The following MNDA variants were observed in gnomAD, a reference collection of about 807,000 sequenced individuals.
The protein encoded by MNDA is epididymis secretory sperm binding protein.
A neutral mutation model predicts 37.8 loss-of-function variants in MNDA; 43 were observed. That is an observed-to-expected ratio of 1.14 (90% CI 0.89 to 1.47). The LOEUF (loss-of-function observed/expected upper bound fraction) is 1.47. Among genes scored for constraint, MNDA ranks in the 40% most tolerant of loss-of-function variants. The pLI, the probability that MNDA is intolerant of heterozygous loss-of-function variation, is 0.00. For synonymous variants in MNDA, 181 were observed against 169.0 expected (o/e 1.07, Z -0.55); for missense variants, 536 against 476.0 (o/e 1.13, Z -1.17).
In MNDA at chr1:158,844,019, G is replaced by GT; in HGVS notation, c.468dup (p.Lys157Ter). On this transcript the variant is annotated frameshift_variant, in exon 4 of 7. Coordinates refer to ENST00000368141, the MANE Select transcript of MNDA (RefSeq NM_002432.3). LOFTEE classifies it high-confidence loss of function. The stretch of plus-strand genomic sequence containing the variant: ...AGGAATAAGGTGTCCCAAGAGCAGA[G>GT]TAAGCCCCCAGGTCCCTCAGGAGCC... 1 of 1,613,818 alleles carries GT rather than the reference G, an allele frequency of 6.2e-7. No individual in the cohort carries two copies. The highest frequency in any genetic ancestry group is 1.1e-5 in the South Asian group (1 of 91,048).
In MNDA at chr1:158,845,608, C is replaced by T. The variant is rs758635073; in HGVS notation, c.592C>T (p.Arg198Trp). 1.3e-5 allele frequency: 21 copies of T among 1,612,346 alleles called. No homozygotes were observed. Among genetic ancestry groups the T allele is most frequent in the Admixed American group, 6.7e-5 (4 of 59,800 alleles). ...ACAGAATCAGGAAACCCAGGCCCAACGGCAGGTGGATGCAAGAAGAAATGT... is the reference window on the plus strand; with the variant it reads ...ACAGAATCAGGAAACCCAGGCCCAATGGCAGGTGGATGCAAGAAGAAATGT... ...FTPNQETQAQRQVDARRNVPQ... is the reference protein window; with the variant it reads ...FTPNQETQAQWQVDARRNVPQ... The change falls in exon 5 of 7, where the codon CGG becomes TGG. Residue 198 changes from arginine (R) to tryptophan (W), a missense_variant. Physicochemically the swap from Arg to Trp is moderately radical, Grantham distance 101. Transcript: ENST00000368141.
At chr1:158,848,824 G>A (rs1256998223) in intron 6 of MNDA, among the ~76,000 whole-genome samples, 1 of 152,038 alleles carries the variant, frequency 6.6e-6, no homozygotes, top group Non-Finnish European at 1.5e-5. Flanking sequence ...TATATGCACT[G>A]CTTGCTAAAC....
rs1308905390 is a variant in MNDA at position 158,847,736 on chromosome 1, A to G, written c.996A>G (p.Val332=). ...TTAATCTTCTTTTGCAGAAAAGCGT[A>G]CACAAGAAGAACACAATTTATGAAA... The part of the protein sequence containing the change: ...YGLFMLQKKS[V]HKKNTIYEIQ... The change falls in exon 6 of 7, where the codon GTA becomes GTG. Residue 332 remains valine (V), a synonymous_variant. Coordinates refer to ENST00000368141, the MANE Select transcript of MNDA (RefSeq NM_002432.3). 1 of 1,611,806 alleles carries G rather than the reference A, an allele frequency of 6.2e-7. No homozygotes were observed. The highest frequency in any genetic ancestry group is 8.5e-7 in the Non-Finnish European group (1 of 1,178,764).
At position 158,842,389 on chromosome 1, in the gene MNDA, T is replaced by C. The variant is rs775626811; in HGVS notation, c.236T>C (p.Val79Ala). ...GATATGCCATCACTTAAAAACCTTG[T>C]TAACAATCTTCGAAAAGAGAAGTCA... Reference protein sequence around the residue: ...AKDMPSLKNLVNNLRKEKSKV... With the variant: ...AKDMPSLKNLANNLRKEKSKV... The change falls in exon 2 of 7, where the codon GTT becomes GCT. Residue 79 changes from valine (V) to alanine (A), a missense_variant. Coordinates refer to ENST00000368141, the MANE Select transcript of MNDA (RefSeq NM_002432.3). The C allele has an allele frequency of 2.5e-6, 4 of 1,611,826 alleles. No homozygotes were observed. Among genetic ancestry groups the C allele is most frequent in the South Asian group, 1.1e-5 (1 of 90,870 alleles).
chr1:158,840,053 AT>A (rs975761620), intron 1 of MNDA, among the ~76,000 whole-genome samples: 3 of 152,082 alleles, frequency 2.0e-5, no homozygotes, highest in Non-Finnish European at 4.4e-5. Context: ...TTTTTAATTC[AT>A]TTTTTTAGGG....
intron 1 of MNDA, among the ~76,000 whole-genome samples, chr1:158,839,230 T>G (rs551989471): frequency 6.6e-6 from 1 of 152,310 alleles, no homozygotes; most frequent in East Asian, 1.9e-4. Context: ...GGGAGGACTT[T>G]CACTCTTCAG....
At chr1:158,835,716 A>G (rs1169604117) in intron 1 of MNDA, among the ~76,000 whole-genome samples, 2 of 151,876 alleles carry the variant, frequency 1.3e-5, no homozygotes, top group Admixed American at 6.6e-5. Context: ...AGCAAGAGAA[A>G]TGTTTTCAGT....
chr1:158,834,899 C>G (rs980408678), intron 1 of MNDA, among the ~76,000 whole-genome samples: 2 of 152,184 alleles, frequency 1.3e-5, no homozygotes, highest in Admixed American at 6.5e-5. Context: ...ACAGCCTTGA[C>G]GTCCATGTCA....
At chr1:158,840,935 A>C (rs866584117) in intron 1 of MNDA, among the ~76,000 whole-genome samples, 11 of 152,216 alleles carry the variant, frequency 7.2e-5, no homozygotes, top group African/African-American at 2.7e-4. Context: ...TAAAAGTTGC[A>C]CAAACACATG....
intron 1 of MNDA, among the ~76,000 whole-genome samples, chr1:158,836,024 G>A (rs1265569157): frequency 6.6e-6 from 1 of 151,706 alleles, no homozygotes; most frequent in Non-Finnish European, 1.5e-5. Context: ...TTACCATTAA[G>A]AGTGTTAATT....
Position 158,842,675 on chromosome 1 carries a change from G to A in MNDA, c.265+257G>A, listed in dbSNP as rs1156695863. 2.4e-5 allele frequency: 7 copies of A among 293,126 alleles called. 1 individual carries two copies. In the Admixed American group the frequency reaches 3.4e-4, roughly 14 times the overall value. 18.2% of individuals were successfully genotyped at this position (293,126 alleles called of 1,614,324 possible). ...GACAGGGATTTATGAGACGGTGAGT[G>A]TTTCAGTAAATCAAAAATGTCAGAA... On this transcript the variant is annotated intron_variant, in intron 2 of 6. Coordinates refer to ENST00000368141, the MANE Select transcript of MNDA (RefSeq NM_002432.3).
At chr1:158,845,080 C>T (rs1659105158) in intron 4 of MNDA, among the ~76,000 whole-genome samples, 1 of 152,192 alleles carries the variant, frequency 6.6e-6, no homozygotes, top group Non-Finnish European at 1.5e-5. Context: ...TTTACCAGCT[C>T]ATGTGCCTTT....
intron 5 of MNDA, among the ~76,000 whole-genome samples, chr1:158,847,034 C>T (rs1659148010): frequency 6.6e-6 from 1 of 152,172 alleles, no homozygotes; most frequent in Admixed American, 6.5e-5. Context: ...TAAAATTTCT[C>T]ATAATCTGAA....
In MNDA at chr1:158,845,775, C is replaced by T. The variant is rs759673903; in HGVS notation, c.759C>T (p.Asp253=). The T allele has an allele frequency of 6.2e-7, 1 of 1,614,028 alleles. No homozygotes were observed. The highest frequency in any genetic ancestry group is 1.7e-5 in the Admixed American group (1 of 60,004). ...AATATTTCCATGTGAAAGTCTTCGA[C>T]ATCAACTTGAAAGAGAAATTTGTAA... The part of the protein sequence containing the change: ...KTQYFHVKVF[D]INLKEKFVRK... The change falls in exon 5 of 7, where the codon GAC becomes GAT. Residue 253 remains aspartate (D), a synonymous_variant. Coordinates refer to ENST00000368141, the MANE Select transcript of MNDA (RefSeq NM_002432.3).
intron 1 of MNDA, among the ~76,000 whole-genome samples, chr1:158,837,476 CT>C (rs1387527856): frequency 6.6e-6 from 1 of 151,672 alleles, no homozygotes; most frequent in African/African-American, 2.4e-5. Flanking sequence ...TCTTATAACA[CT>C]TTTTGACTGT....
In MNDA at chr1:158,845,697, C is replaced by T. The variant is rs189314983; in HGVS notation, c.681C>T (p.Ser227=). 1 of 1,613,926 alleles carries T rather than the reference C, an allele frequency of 6.2e-7. No homozygotes were observed. The highest frequency in any genetic ancestry group is 1.3e-5 in the African/African-American group (1 of 74,894). Residue 227 remains serine, a synonymous_variant, in exon 5 of 7, where the codon TCC becomes TCT. Coordinates refer to ENST00000368141, the MANE Select transcript of MNDA (RefSeq NM_002432.3). Reference sequence around the variant, plus strand: ...CAACAGCGCCATTTAAATACGAGTCCCCAGAAAATGGGAAAAGCACAATGT... The same window carrying T: ...CAACAGCGCCATTTAAATACGAGTCTCCAGAAAATGGGAAAAGCACAATGT... ...LKATAPFKYE[S]PENGKSTMFH...
At chr1:158,837,546 A>G (rs1469140207) in intron 1 of MNDA, among the ~76,000 whole-genome samples, 1 of 151,740 alleles carries the variant, frequency 6.6e-6, no homozygotes, top group Non-Finnish European at 1.5e-5. Context: ...TAATATTTCA[A>G]TGGAATATCT....
chr1:158,841,853 C>T (rs780745167), intron 1 of MNDA, among the ~76,000 whole-genome samples: 1 of 152,196 alleles, frequency 6.6e-6, no homozygotes, highest in Non-Finnish European at 1.5e-5. Context: ...AAAACCCATA[C>T]TATAAATACT....
chr1:158,840,286 T>C (rs950111869), intron 1 of MNDA, among the ~76,000 whole-genome samples: 1 of 152,152 alleles, frequency 6.6e-6, no homozygotes, highest in Non-Finnish European at 1.5e-5. Flanking sequence ...CTGGGTAATT[T>C]ATAAAGAAAA....
Sources: gnomAD v4.1 joint callset for allele counts (sites outside exome capture counted in the v4.1 genomes callset) on GRCh38, gnomAD v4.1.1 for gene constraint, MANE v1.5 for transcripts, NCBI Gene and HGNC (gene_info 2026-07-23, HGNC 2026-07-21) for gene names.